NIP7: variants seen among roughly 807,000 people sequenced by gnomAD.
NIP7 encodes the protein nucleolar pre-rRNA processing protein NIP7.
In NIP7, 12 loss-of-function variants were observed where a neutral mutation model predicts 20.1. The ratio of observed to expected loss-of-function variants is 0.60; its 90% CI spans 0.38 to 0.97. The LOEUF is 0.97. NIP7 is among the 50% of genes least tolerant of loss of function. The pLI, the probability that NIP7 is intolerant of heterozygous loss-of-function variation, is 0.00. For missense variants in NIP7, 226 were observed against 226.6 expected (o/e 1.00, Z 0.02); for synonymous variants, 103 against 87.2 (o/e 1.18, Z -1.01).
Position 69,339,794 on chromosome 16 carries a change from G to A in NIP7, c.-36G>A. The A allele has an allele frequency of 2.5e-6, 4 of 1,611,070 alleles. No individual in the cohort carries two copies. The highest frequency in any genetic ancestry group is 3.4e-6 in the Non-Finnish European group (4 of 1,178,934). On this transcript the variant is annotated 5_prime_UTR_variant, in exon 1 of 5. Coordinates refer to ENST00000254940, the MANE Select transcript of NIP7 (RefSeq NM_016101.5). ...ACCGACTTCCGTTTCCAGTTACCAAGGCACGAGGATCCGGTGTTCCAACCC... is the reference window on the plus strand; with the variant it reads ...ACCGACTTCCGTTTCCAGTTACCAAAGCACGAGGATCCGGTGTTCCAACCC...
chr16:69,341,278 G>A lies in NIP7; in HGVS notation c.381G>A (p.Gln127=). ...GLGRITENTS[Q]YQGVVVYSMA... is the part of the protein sequence containing the mutation. ...GTCGAATCACTGAAAATACTTCTCA[G>A]TACCAGGGCGTGGTGGTGTACTCCA... Residue 127 remains glutamine (Q), a synonymous_variant, in exon 4 of 5, where the codon CAG becomes CAA. Transcript: ENST00000254940. The A allele has an allele frequency of 6.2e-7, 1 of 1,614,120 alleles. No individual in the cohort carries two copies. The highest frequency in any genetic ancestry group is 1.7e-5 in the Admixed American group (1 of 60,014).
At position 69,340,373 on chromosome 16, in the gene NIP7, T is replaced by G. The variant is rs573878061; in HGVS notation, c.282+41T>G. 6 of 1,600,562 alleles carry G rather than the reference T, an allele frequency of 3.7e-6. No homozygotes were observed. The South Asian group carries it at 6.6e-5, about 18-fold the overall frequency. ...TCCAATTCTGCCACGGGCGATGAAG[T>G]CAAGGATTAGGCAGATTGTCCGGCA... On this transcript the variant is annotated intron_variant, in intron 3 of 4. Transcript: ENST00000254940.
Position 69,341,546 on chromosome 16 carries a change from C to T in NIP7, c.437C>T (p.Ala146Val). The change falls in exon 5 of 5, where the codon GCA becomes GTA. Residue 146 changes from alanine (A) to valine (V), a missense_variant. Ala to Val is a moderately conservative substitution (Grantham distance 64). Coordinates refer to ENST00000254940, the MANE Select transcript of NIP7 (RefSeq NM_016101.5). ...TTTGAATCCCAGGGTTTTGGGGTGGCAGCCAAATCTACACAAGACTGCAGA... is the reference window on the plus strand; with the variant it reads ...TTTGAATCCCAGGGTTTTGGGGTGGTAGCCAAATCTACACAAGACTGCAGA... ...MADIPLGFGV[A>V]AKSTQDCRKV... 2 of 1,614,006 alleles carry T rather than the reference C, an allele frequency of 1.2e-6. No individual in the cohort carries two copies. Among genetic ancestry groups the T allele is most frequent in the African/African-American group, 1.3e-5 (1 of 75,012 alleles).
intron 4 of NIP7, 96 bp from the exon 5 acceptor site, chr16:69,341,437 C>G: frequency 1.9e-6 from 3 of 1,578,704 alleles, no homozygotes; most frequent in South Asian, 2.3e-5. Flanking sequence ...CCAGAAAGAC[C>G]AGAACTGTAT....
chr16:69,342,234 A>C lies in NIP7; in HGVS notation c.*582A>C, dbSNP rs1405789155. 6.6e-6 allele frequency: 1 copy of C among 152,234 alleles called. No individual in the cohort carries two copies. The highest frequency in any genetic ancestry group is 1.5e-5 in the Non-Finnish European group (1 of 68,062). The allele number at this position is 152,234 out of a possible 1,614,324, so 9.4% of individuals were successfully genotyped here. On this transcript the variant is annotated 3_prime_UTR_variant, in exon 5 of 5. Transcript: ENST00000254940. ...TTCATTTTCTTCTGTTTAAAAAGAC[A>C]CAAAACTTGAAAATCAGCTTTGGCC...
At position 69,341,176 on chromosome 16, in the gene NIP7, A is replaced by T. The variant is rs1432358790; in HGVS notation, c.283-4A>T. 1 of 1,610,450 alleles carries T rather than the reference A, an allele frequency of 6.2e-7. No homozygotes were observed. ...ATGTCTCTTGGATTTTAATTCTCTT[A>T]TAGTATAAAGTTTGGATAAAGCCTG... On this transcript the variant is annotated splice_region_variant and splice_polypyrimidine_tract_variant and intron_variant, in intron 3 of 4. Coordinates refer to ENST00000254940, the MANE Select transcript of NIP7 (RefSeq NM_016101.5).
rs2012481363 is a variant in NIP7, at chr16:69,340,252, A to G, written c.202A>G (p.Thr68Ala). 2.5e-6 allele frequency: 4 copies of G among 1,614,078 alleles called. No individual in the cohort carries two copies. In the South Asian group the frequency reaches 3.3e-5, roughly 13 times the overall value. The change falls in exon 3 of 5, where the codon ACC (threonine) becomes GCC (alanine). Residue 68 changes from threonine to alanine, a missense_variant. Physicochemically the swap from Thr to Ala is moderately conservative, Grantham distance 58. Transcript: ENST00000254940. ...ISGDKLVSLGTCFGKFTKTHK... is the reference protein window; with the variant it reads ...ISGDKLVSLGACFGKFTKTHK... Reference sequence around the variant, plus strand: ...CGGGGACAAGCTGGTGTCGCTGGGGACCTGCTTTGGAAAATTCACTAAAAC... The same window carrying G: ...CGGGGACAAGCTGGTGTCGCTGGGGGCCTGCTTTGGAAAATTCACTAAAAC...
In NIP7 at chr16:69,341,625, T is replaced by C; in HGVS notation, c.516T>C (p.Tyr172=). 1.2e-6 allele frequency: 2 copies of C among 1,614,172 alleles called. No homozygotes were observed. The highest frequency in any genetic ancestry group is 8.5e-7 in the Non-Finnish European group (1 of 1,180,032). Residue 172 remains tyrosine, a synonymous_variant, in exon 5 of 5, where the codon TAT becomes TAC. Transcript: ENST00000254940. The part of the protein sequence containing the change: ...VVFHQADIGE[Y]VRHEETLT ...TTCATCAAGCAGACATTGGGGAATA[T>C]GTGCGGCATGAAGAGACGTTGACTT...
Position 69,339,862 on chromosome 16 carries a change from C to T in NIP7, c.33C>T (p.Val11=). ...CTTTGACTGAAGAGGAGACCCGTGT[C>T]ATGTTTGAGAAGATAGCGAAATAGT... The part of the protein sequence containing the change: MRPLTEEETR[V]MFEKIAKYIG... Residue 11 remains valine, a synonymous_variant, in exon 1 of 5, where the codon GTC becomes GTT. Coordinates refer to ENST00000254940, the MANE Select transcript of NIP7 (RefSeq NM_016101.5). 3 of 1,613,944 alleles carry T rather than the reference C, an allele frequency of 1.9e-6. No homozygotes were observed. The highest frequency in any genetic ancestry group is 1.1e-5 in the South Asian group (1 of 91,056).
Position 69,340,979 on chromosome 16 carries a change from C to T in NIP7, c.283-201C>T, listed in dbSNP as rs1597229056. ...CCACCTGCCTTGGCCTCCCAAAGTG[C>T]TGGGATTACAAGCGTGAGCCACTGC... On this transcript the variant is annotated intron_variant, in intron 3 of 4. Transcript: ENST00000254940. 5 of 499,522 alleles carry T rather than the reference C, an allele frequency of 1.0e-5. No individual in the cohort carries two copies. In the East Asian group the frequency reaches 1.1e-4, roughly 11 times the overall value. 30.9% of individuals were successfully genotyped at this position (499,522 alleles called of 1,614,324 possible). A position where few individuals can be genotyped will look rare whatever the true frequency, so the allele number is the denominator to read the frequency against.
Position 69,341,865 on chromosome 16 carries a change from G to A in NIP7, c.*213G>A, listed in dbSNP as rs550928461. The A allele has an allele frequency of 2.0e-5, 9 of 444,222 alleles. No individual in the cohort carries two copies. Among genetic ancestry groups the A allele is most frequent in the African/African-American group, 8.0e-5 (4 of 49,804 alleles). 27.5% of individuals were successfully genotyped at this position (444,222 alleles called of 1,614,324 possible). On this transcript the variant is annotated 3_prime_UTR_variant, in exon 5 of 5. Transcript: ENST00000254940. ...AAATGGGGTTTCAGATCTTTGTGAC[G>A]AAATAGAATACTGTTTCATATTTGA...
Position 69,341,010 on chromosome 16 carries a change from G to A in NIP7, c.283-170G>A, listed in dbSNP as rs894247403. ...TTACAAGCGTGAGCCACTGCACCGG[G>A]CAACTTCCTGCATTTCTGTTCAGGA... On this transcript the variant is annotated intron_variant, in intron 3 of 4. Transcript: ENST00000254940. 21 of 616,354 alleles carry A rather than the reference G, an allele frequency of 3.4e-5. No homozygotes were observed. The South Asian group carries it at 4.3e-4, about 13-fold the overall frequency. 38.2% of individuals were successfully genotyped at this position (616,354 alleles called of 1,614,324 possible).
rs1442683327 is a variant in NIP7, at chr16:69,340,522, G to A, written c.282+190G>A. 5.6e-6 allele frequency: 4 copies of A among 709,564 alleles called. No individual in the cohort carries two copies. The African/African-American group carries it at 7.1e-5, about 13-fold the overall frequency. The allele number at this position is 709,564 out of a possible 1,614,324, so 44.0% of individuals were successfully genotyped here. On this transcript the variant is annotated intron_variant, in intron 3 of 4. Coordinates refer to ENST00000254940, the MANE Select transcript of NIP7 (RefSeq NM_016101.5). ...GATAGGAATGCTATGTGGCTGCGTA[G>A]GGTTAGTTTTCTCCAGCGAAGTAGA...
Position 69,341,813 on chromosome 16 carries a change from T to G in NIP7, c.*161T>G. The G allele has an allele frequency of 2.6e-6, 2 of 783,410 alleles. No individual in the cohort carries two copies. Among genetic ancestry groups the G allele is most frequent in the South Asian group, 3.9e-5 (2 of 51,820 alleles). The allele number at this position is 783,410 out of a possible 1,614,324, so 48.5% of individuals were successfully genotyped here. ...CTATCACTGACAAATGCAGGCTGGATTCTTATTATATACAGAGATGGCTCA... is the reference window on the plus strand; with the variant it reads ...CTATCACTGACAAATGCAGGCTGGAGTCTTATTATATACAGAGATGGCTCA... On this transcript the variant is annotated 3_prime_UTR_variant, in exon 5 of 5. Coordinates refer to ENST00000254940, the MANE Select transcript of NIP7 (RefSeq NM_016101.5).
In NIP7 at chr16:69,339,902, C is replaced by T. The variant is rs1257595641; in HGVS notation, c.56+17C>T. 1 of 1,613,634 alleles carries T rather than the reference C, an allele frequency of 6.2e-7. No individual in the cohort carries two copies. Among genetic ancestry groups the T allele is most frequent in the Non-Finnish European group, 8.5e-7 (1 of 1,179,936 alleles). On this transcript the variant is annotated intron_variant, in intron 1 of 4. Transcript: ENST00000254940. ...AGCGAAATAGTAGGAGCGCGCGGGG[C>T]GGACGCGGGAGTGTGTGGGTGTGGT...
intron 3 of NIP7, 45 bp from the exon 4 acceptor site, chr16:69,341,134 GA>G: frequency 1.3e-6 from 2 of 1,554,266 alleles, no homozygotes; most frequent in Non-Finnish European, 1.8e-6. Context: ...TGCATGGATA[GA>G]AATAGTAACG....
chr16:69,341,061 GTCTC>G lies in NIP7; in HGVS notation c.283-115_283-112del, dbSNP rs563563490. ...GATAGACAGTTTGAGGAAAACATGA[GTCTC>G]TCTGTTTCCCTTAAAATTATTTCAG... On this transcript the variant is annotated intron_variant, in intron 3 of 4. Transcript: ENST00000254940. 116 of 846,010 alleles carry G rather than the reference GTCTC, an allele frequency of 1.4e-4. No individual in the cohort carries two copies. The Admixed American group carries it at 2.3e-3, about 17-fold the overall frequency. 52.4% of individuals were successfully genotyped at this position (846,010 alleles called of 1,614,324 possible).
At position 69,340,449 on chromosome 16, in the gene NIP7, A is replaced by T. The variant is rs185345431; in HGVS notation, c.282+117A>T. 3.1e-6 allele frequency: 4 copies of T among 1,297,050 alleles called. No homozygotes were observed. In the African/African-American group the frequency reaches 5.9e-5, roughly 19 times the overall value. 80.3% of individuals were successfully genotyped at this position (1,297,050 alleles called of 1,614,324 possible). On this transcript the variant is annotated intron_variant, in intron 3 of 4. Transcript: ENST00000254940. ...AGTGTGCTTGGAGGAGTTTCAGCAC[A>T]TGGAGATGTGTAGAGGTCTTGCAGC...
chr16:69,341,406 ATTCTCAGCACG>A, intron 4 of NIP7, 86 bp downstream of exon 4: 1 of 1,571,782 alleles, frequency 6.4e-7, no homozygotes. Flanking sequence ...GAGAGAATAA[ATTCTCAGCACG>A]TTTTGAATCC....
Sources: allele counts gnomAD v4.1 joint callset, GRCh38; gene constraint gnomAD v4.1.1; transcripts MANE v1.5; gene names NCBI Gene and HGNC (gene_info 2026-07-23, HGNC 2026-07-21).